PDE10A: variants seen among roughly 807,000 people sequenced by gnomAD.
PDE10A encodes phosphodiesterase 10A, also known as cAMP and cAMP-inhibited cGMP 3',5'-cyclic phosphodiesterase 10A.
In PDE10A, 39 loss-of-function variants were observed where a neutral mutation model predicts 97.7. The ratio of observed to expected loss-of-function variants is 0.40; its 90% CI spans 0.31 to 0.52. The LOEUF is 0.52. PDE10A is among the 20% of genes least tolerant of loss of function. PDE10A has a pLI of 0.56. For synonymous variants in PDE10A, 371 were observed against 376.8 expected (o/e 0.98, Z 0.18); for missense variants, 731 against 1,047.8 (o/e 0.70, Z 4.17).
intron 1 of PDE10A, among the ~76,000 whole-genome samples, chr6:165,573,381 T>C (rs1471893745): frequency 1.3e-5 from 2 of 152,154 alleles, no homozygotes; most frequent in Admixed American, 6.5e-5. Flanking sequence ...ATTTTTCATA[T>C]TTCAGTATAA....
chr6:165,862,672 C>T (rs1020804941), intron 1 of PDE10A, among the ~76,000 whole-genome samples: 2 of 100,334 alleles, frequency 2.0e-5, no homozygotes, highest in African/African-American at 4.3e-5. Flanking sequence ...CAGAAGCAGT[C>T]GTCCTTTTTT....
At chr6:165,677,461 C>T (rs1790831701) in intron 1 of PDE10A, among the ~76,000 whole-genome samples, 4 of 152,198 alleles carry the variant, frequency 2.6e-5, no homozygotes. Flanking sequence ...ATTCAACCAG[C>T]CTTGTTGGAT....
intron 1 of PDE10A, among the ~76,000 whole-genome samples, chr6:165,608,062 GTA>G (rs950404218): frequency 1.4e-5 from 2 of 145,950 alleles, no homozygotes; most frequent in Admixed American, 6.8e-5. Context: ...GTATATATAT[GTA>G]TATATATATG....
intron 10 of PDE10A, among the ~76,000 whole-genome samples, chr6:165,419,058 C>T (rs1298043168): frequency 2.0e-5 from 3 of 152,172 alleles, no homozygotes; most frequent in Non-Finnish European, 2.9e-5. Context: ...TATTCTGACA[C>T]CAACTGACAC....
intron 1 of PDE10A, among the ~76,000 whole-genome samples, chr6:165,678,209 C>CTCTA (rs1562679752): frequency 3.6e-5 from 1 of 27,876 alleles, no homozygotes. Context: ...ATATGTGTGT[C>CTCTA]TGTGTGTGTA....
intron 18 of PDE10A, 57 bp downstream of exon 18, chr6:165,379,137 T>C (rs1384830016): frequency 2.9e-5 from 34 of 1,157,496 alleles, no homozygotes; most frequent in East Asian, 2.4e-4. Context: ...TTCTTAAGTA[T>C]CAATTTATTC....
intron 1 of PDE10A, among the ~76,000 whole-genome samples, chr6:165,936,362 G>A (rs138426982): frequency 9.2e-4 from 140 of 152,294 alleles, no homozygotes; most frequent in African/African-American, 2.8e-3. Flanking sequence ...TATCACCCTC[G>A]TTTAAGATCG....
At chr6:165,719,175 A>G (rs914949650) in intron 1 of PDE10A, among the ~76,000 whole-genome samples, 5 of 152,190 alleles carry the variant, frequency 3.3e-5, no homozygotes, top group African/African-American at 1.2e-4. Flanking sequence ...AAAGCAACTG[A>G]GGAAAAGAAA....
chr6:165,749,290 C>CCATCACCACCATCCCCATCACCACCATCA, intron 1 of PDE10A, among the ~76,000 whole-genome samples: 1 of 62,316 alleles, frequency 1.6e-5, no homozygotes, highest in Admixed American at 1.6e-4. Context: ...ACCATCATCA[C>CCATCACCACCATCCCCATCACCACCATCA]CATCACCATC....
At chr6:165,645,065 A>G (rs941704051) in intron 1 of PDE10A, among the ~76,000 whole-genome samples, 15 of 152,222 alleles carry the variant, frequency 9.9e-5, no homozygotes, top group African/African-American at 3.6e-4. Context: ...TTTCTGCCAC[A>G]GCAGTGGTGG....
In PDE10A at chr6:165,791,557, C is replaced by T. The variant is rs1248204006; in HGVS notation, c.-615+195972G>A. On this transcript the variant is annotated intron_variant, in intron 1 of 19. Transcript: ENST00000366882. Reference sequence around the variant, plus strand: ...TTTTCCAACCTCCCCGATTTCTGTCCACACTTTCTGAGACACCTGAAGTGA... The same window carrying T: ...TTTTCCAACCTCCCCGATTTCTGTCTACACTTTCTGAGACACCTGAAGTGA... 2.6e-5 allele frequency among the ~76,000 whole-genome samples: 4 copies of T among 152,098 alleles called. No homozygotes were observed. The East Asian group carries it at 7.8e-4, about 29-fold the overall frequency.
chr6:165,662,122 G>C lies in PDE10A; in HGVS notation c.690C>G (p.Ser230=). Residue 230 remains serine (S), a synonymous_variant, in exon 1 of 22, where the codon TCC becomes TCG. Coordinates refer to ENST00000539869, the MANE Select transcript of PDE10A (RefSeq NM_001385079.1). ...PLGQAARRAG[S]PGFPGAGPGG... ...CTGGGCCGGCGCCGGGGAAGCCGGG[G>C]GAGCCCGCGCGGCGGGCGGCCTGGC... 2.1e-6 allele frequency: 2 copies of C among 967,862 alleles called. No individual in the cohort carries two copies. The highest frequency in any genetic ancestry group is 9.5e-5 in the East Asian group (1 of 10,552). The allele number at this position is 967,862 out of a possible 1,614,324, so 60.0% of individuals were successfully genotyped here.
rs142932524 is a variant in PDE10A, at chr6:165,340,414, T to G, written c.2896-1056A>C. ...CTATCACCATAATTAGGTATTTTTA[T>G]GTACAGGACCAAAGCACTTGTCCTG... On this transcript the variant is annotated intron_variant, in intron 19 of 21. Transcript: ENST00000539869. 4.9e-3 allele frequency among the ~76,000 whole-genome samples: 749 copies of G among 152,326 alleles called. 10 individuals carry two copies. Among genetic ancestry groups the G allele is most frequent in the African/African-American group, 0.017 (699 of 41,562 alleles).
chr6:165,462,650 C>T (rs1166904769), intron 3 of PDE10A, among the ~76,000 whole-genome samples: 1 of 152,176 alleles, frequency 6.6e-6, no homozygotes, highest in Non-Finnish European at 1.5e-5. Context: ...ACCCGTCAAA[C>T]ACAGCCACCC....
chr6:165,639,050 G>A (rs1423255545), intron 1 of PDE10A, among the ~76,000 whole-genome samples: 1 of 151,464 alleles, frequency 6.6e-6, no homozygotes, highest in Non-Finnish European at 1.5e-5. Context: ...GAAGGAGGGA[G>A]GGAGGGAGGG....
At chr6:165,927,476 A>G (rs1188166596) in intron 1 of PDE10A, among the ~76,000 whole-genome samples, 1 of 151,916 alleles carries the variant, frequency 6.6e-6, no homozygotes, top group Non-Finnish European at 1.5e-5. Flanking sequence ...AACATGATTT[A>G]TGGAAATAAT....
At chr6:165,659,553 G>A (rs566392296) in intron 1 of PDE10A, among the ~76,000 whole-genome samples, 6 of 152,320 alleles carry the variant, frequency 3.9e-5, no homozygotes, top group African/African-American at 9.6e-5. Flanking sequence ...AAGCTTGAGT[G>A]AAGTGGGTCT....
intron 2 of PDE10A, among the ~76,000 whole-genome samples, chr6:165,494,057 G>T (rs531830543): frequency 6.6e-6 from 1 of 151,018 alleles, no homozygotes; most frequent in South Asian, 2.1e-4. Flanking sequence ...GCCAAAAAAC[G>T]TATGAAAAAA....
chr6:165,851,994 T>G (rs796464102), intron 1 of PDE10A, among the ~76,000 whole-genome samples: 3 of 152,308 alleles, frequency 2.0e-5, no homozygotes, highest in African/African-American at 7.2e-5. Context: ...TTCATATTAA[T>G]AAGAGGAATA....
Sources: allele counts gnomAD v4.1 joint callset (sites outside exome capture counted in the v4.1 genomes callset), GRCh38; gene constraint gnomAD v4.1.1; transcripts MANE v1.5; gene names NCBI Gene and HGNC (gene_info 2026-07-23, HGNC 2026-07-21).